The following DLC1 variants were observed in gnomAD, a reference collection of about 807,000 sequenced individuals.
DLC1 encodes rho GTPase-activating protein 7.
DLC1 carries 54 observed loss-of-function variants against 140.3 expected under a neutral mutation model. The observed-to-expected ratio is 0.38, with a 90% CI of 0.31 to 0.48. The LOEUF is 0.48. Ranked by LOEUF, DLC1 falls within the 20% of genes least tolerant of loss-of-function variation. The pLI, the probability that DLC1 is intolerant of heterozygous loss-of-function variation, is 0.96. For missense variants in DLC1, 2,536 were observed against 1,907.0 expected (o/e 1.33, Z -6.14); for synonymous variants, 986 against 728.1 (o/e 1.35, Z -5.70).
At chr8:13,601,651 A>AAC (rs1554550809) in intron 1 of DLC1, among the ~76,000 whole-genome samples, 3 of 151,842 alleles carry the variant, frequency 2.0e-5, no homozygotes, top group African/African-American at 7.2e-5. Context: ...TAGACAAAAA[A>AAC]AAAACAAAAC....
At chr8:13,092,920 A>AG in intron 12 of DLC1, 95 bp from the exon 13 acceptor site, 1 of 1,343,650 alleles carries the variant, frequency 7.4e-7, no homozygotes, top group Non-Finnish European at 1.0e-6. Context: ...CAAATACCTC[A>AG]GCCCAGTACT....
At chr8:13,153,420 T>C (rs571109751) in intron 5 of DLC1, among the ~76,000 whole-genome samples, 6 of 152,348 alleles carry the variant, frequency 3.9e-5, no homozygotes, top group African/African-American at 1.4e-4. Flanking sequence ...AAACGCAGTG[T>C]GGACCCAAAG....
intron 1 of DLC1, among the ~76,000 whole-genome samples, chr8:13,501,376 A>G (rs1408241636): frequency 6.6e-6 from 1 of 152,188 alleles, no homozygotes. Flanking sequence ...ACTAACCCAA[A>G]TTTTGCCCCA....
At chr8:13,395,706 A>G (rs1837006881) in intron 3 of DLC1, among the ~76,000 whole-genome samples, 1 of 152,168 alleles carries the variant, frequency 6.6e-6, no homozygotes, top group Non-Finnish European at 1.5e-5. Flanking sequence ...TACAAAAGAC[A>G]TACGCAGCAA....
At chr8:13,179,480 G>A (rs1160609471) in intron 5 of DLC1, among the ~76,000 whole-genome samples, 1 of 152,120 alleles carries the variant, frequency 6.6e-6, no homozygotes, top group Non-Finnish European at 1.5e-5. Context: ...CAGCACTTTA[G>A]GAGTCTGAGG....
At chr8:13,422,529 ACT>A (rs1358967566) in intron 2 of DLC1, among the ~76,000 whole-genome samples, 2 of 151,722 alleles carry the variant, frequency 1.3e-5, no homozygotes, top group East Asian at 3.9e-4. Flanking sequence ...ATCCTAGAAA[ACT>A]CTGCACGTTT....
At chr8:13,147,622 T>C (rs530504113) in intron 5 of DLC1, among the ~76,000 whole-genome samples, 1 of 152,282 alleles carries the variant, frequency 6.6e-6, no homozygotes, top group African/African-American at 2.4e-5. Context: ...TCCAGCATGC[T>C]CTGAGCTTGA....
chr8:13,123,997 C>T lies in DLC1; in HGVS notation c.1349-8340G>A, dbSNP rs569957872. 3.3e-5 allele frequency among the ~76,000 whole-genome samples: 5 copies of T among 152,238 alleles called. No homozygotes were observed. The East Asian group carries it at 5.8e-4, about 18-fold the overall frequency. On this transcript the variant is annotated intron_variant, in intron 5 of 17. Coordinates refer to ENST00000276297, the MANE Select transcript of DLC1 (RefSeq NM_182643.3). The stretch of plus-strand genomic sequence containing the variant: ...AAGTACACATTCATGCATATAAACA[C>T]GTGTCTGTATATGTAACTATTATAA...
chr8:13,320,925 A>C (rs569835883), intron 4 of DLC1, among the ~76,000 whole-genome samples: 1 of 152,276 alleles, frequency 6.6e-6, no homozygotes, highest in Non-Finnish European at 1.5e-5. Context: ...CTCTCAAGCC[A>C]TGTGATTGCT....
chr8:13,362,180 G>C (rs576271602), intron 4 of DLC1, among the ~76,000 whole-genome samples: 30 of 152,262 alleles, frequency 2.0e-4, no homozygotes, highest in African/African-American at 6.7e-4. Flanking sequence ...AGTCTGGGAA[G>C]CTGAAGACAA....
intron 2 of DLC1, among the ~76,000 whole-genome samples, chr8:13,453,406 A>ATATATATATATATATATATGTG (rs1554523014): frequency 4.5e-5 from 2 of 44,706 alleles, no homozygotes; most frequent in Non-Finnish European, 6.7e-5. Flanking sequence ...ATATATGTGT[A>ATATATATATATATATATATGTG]TATATATATA....
At chr8:13,090,117 C>T (rs1177038403) in intron 15 of DLC1, 135 bp downstream of exon 15, 4 of 769,070 alleles carry the variant, frequency 5.2e-6, no homozygotes, top group Non-Finnish European at 6.2e-6. Flanking sequence ...CTTACTCACC[C>T]CGGTGCCCAG....
At chr8:13,373,036 G>T (rs143413311) in intron 4 of DLC1, among the ~76,000 whole-genome samples, 1 of 152,106 alleles carries the variant, frequency 6.6e-6, no homozygotes, top group East Asian at 1.9e-4. Flanking sequence ...TTATTTTTGA[G>T]ACAGGGTCTC....
At chr8:13,218,883 TATATGAATATATATAATTAC>T (rs1585934718) in intron 5 of DLC1, among the ~76,000 whole-genome samples, 2 of 127,922 alleles carry the variant, frequency 1.6e-5, no homozygotes, top group East Asian at 4.3e-4. Context: ...TATATAATTA[TATATGAATATATATAATTAC>T]ATACGAATAT....
intron 3 of DLC1, among the ~76,000 whole-genome samples, chr8:13,397,864 G>A (rs1409610073): frequency 6.6e-6 from 1 of 151,692 alleles, no homozygotes; most frequent in Non-Finnish European, 1.5e-5. Flanking sequence ...CAGGTGTGGT[G>A]GCTCACGCCT....
At chr8:13,207,455 C>T (rs1429384194) in intron 5 of DLC1, among the ~76,000 whole-genome samples, 1 of 152,092 alleles carries the variant, frequency 6.6e-6, no homozygotes, top group Non-Finnish European at 1.5e-5. Context: ...ATCGGTGTGC[C>T]TCCTTCTTTA....
At chr8:13,236,235 C>T (rs1829272998) in intron 5 of DLC1, among the ~76,000 whole-genome samples, 1 of 151,990 alleles carries the variant, frequency 6.6e-6, no homozygotes, top group Non-Finnish European at 1.5e-5. Flanking sequence ...AAGGTTCATT[C>T]ACTTTTCCAA....
chr8:13,565,495 A>G (rs1482580754), intron 1 of DLC1, among the ~76,000 whole-genome samples: 1 of 152,208 alleles, frequency 6.6e-6, no homozygotes, highest in African/African-American at 2.4e-5. Context: ...CCTCTTTTTT[A>G]AAGACTACCA....
At chr8:13,435,810 A>G (rs1839095962) in intron 2 of DLC1, among the ~76,000 whole-genome samples, 1 of 152,246 alleles carries the variant, frequency 6.6e-6, no homozygotes, top group South Asian at 2.1e-4. Flanking sequence ...GTCAAACAGC[A>G]CTGCAAGCTA....
Sources: gnomAD v4.1 joint callset for allele counts (sites outside exome capture counted in the v4.1 genomes callset) on GRCh38, gnomAD v4.1.1 for gene constraint, MANE v1.5 for transcripts, NCBI Gene and HGNC (gene_info 2026-07-23, HGNC 2026-07-21) for gene names.